Variants in ATXN1 observed in about 807,000 individuals in gnomAD.
The protein encoded by ATXN1 is ataxin-1.
A neutral mutation model predicts 56.4 loss-of-function variants in ATXN1; 8 were observed. The ratio of observed to expected loss-of-function variants is 0.14; its 90% confidence interval spans 0.08 to 0.26. The LOEUF (loss-of-function observed/expected upper bound fraction) is 0.26, where lower values mean the gene tolerates loss of function less well. Ranked by LOEUF, ATXN1 falls within the 10% of genes least tolerant of loss-of-function variation. The probability of loss-of-function intolerance (pLI) is 1.00; values close to 1 mark genes in which losing one functional copy is unlikely to be tolerated. For missense variants in ATXN1, 987 were observed against 1,106.5 expected, an observed-to-expected ratio of 0.89 and a Z score of 1.53; for synonymous variants, 514 against 494.6, an observed-to-expected ratio of 1.04 and a Z score of -0.52.
chr6:16,538,481 T>C (rs1761647759), intron 4 of ATXN1, among the ~76,000 whole-genome samples: 1 of 152,152 alleles, frequency 6.6e-6, no homozygotes, highest in East Asian at 1.9e-4. Context: ...GTGCACAACA[T>C]GCAGGTTTGT....
intron 4 of ATXN1, among the ~76,000 whole-genome samples, chr6:16,562,556 T>C (rs1294861954): frequency 1.3e-5 from 2 of 151,454 alleles, no homozygotes; most frequent in African/African-American, 4.9e-5. Flanking sequence ...AGAAATGAAA[T>C]GGCTGGCAGC....
At chr6:16,588,794 AGGAGGAAGGGAG>A (rs766933770) in intron 3 of ATXN1, among the ~76,000 whole-genome samples, 12 of 152,114 alleles carry the variant, frequency 7.9e-5, no homozygotes, top group Admixed American at 2.0e-4. Flanking sequence ...GAAGGAGGGA[AGGAGGAAGGGAG>A]GGAGGAAGGT....
At chr6:16,692,365 C>T (rs1032333575) in intron 2 of ATXN1, among the ~76,000 whole-genome samples, 5 of 152,160 alleles carry the variant, frequency 3.3e-5, no homozygotes, top group African/African-American at 1.2e-4. Flanking sequence ...CACAAATTAA[C>T]TATATGGCAA....
chr6:16,506,497 T>A lies in ATXN1; in HGVS notation c.-299+16130A>T, dbSNP rs1477933472. On this transcript the variant is annotated intron_variant, in intron 5 of 7. Transcript: ENST00000436367. This position sits in a 1 kb window ranked among gnomAD's most constrained non-coding sequence, Gnocchi z 4.1. ...AGAAAAGGGTAATTTTTGTTTTAAT[T>A]TTTCTCCTCACTCCCTATGTAATTG... 6.6e-6 allele frequency among the ~76,000 whole-genome samples: 1 copy of A among 152,154 alleles called. No homozygotes were observed. Among genetic ancestry groups the A allele is most frequent in the East Asian group, 1.9e-4 (1 of 5,194 alleles).
intron 2 of ATXN1, among the ~76,000 whole-genome samples, chr6:16,696,698 G>T (rs1007381037): frequency 8.5e-5 from 13 of 152,206 alleles, no homozygotes; most frequent in Admixed American, 1.3e-4. Context: ...TGCATTCTCT[G>T]TGTAGAGAGG....
intron 6 of ATXN1, among the ~76,000 whole-genome samples, chr6:16,382,053 A>C (rs759320333): frequency 5.9e-5 from 9 of 152,164 alleles, no homozygotes; most frequent in Non-Finnish European, 1.2e-4. Context: ...CAAATTAATA[A>C]TTCATTTGGG....
intron 6 of ATXN1, among the ~76,000 whole-genome samples, chr6:16,429,128 A>T (rs1388970974): frequency 6.6e-6 from 1 of 151,954 alleles, no homozygotes; most frequent in Non-Finnish European, 1.5e-5. Flanking sequence ...TAGGTGATGG[A>T]GGCAGAGAGG....
chr6:16,398,147 G>A (rs562595941), intron 6 of ATXN1, among the ~76,000 whole-genome samples: 5 of 152,194 alleles, frequency 3.3e-5, no homozygotes, highest in African/African-American at 4.8e-5. Context: ...AGTTAGCAAC[G>A]CAGCCAACTT....
At chr6:16,621,314 A>G (rs1338916125) in intron 3 of ATXN1, among the ~76,000 whole-genome samples, 3 of 152,264 alleles carry the variant, frequency 2.0e-5, no homozygotes, top group Non-Finnish European at 2.9e-5. Flanking sequence ...CAAGGGCGTT[A>G]GCTGCAAGAG....
chr6:16,584,277 C>T lies in ATXN1; in HGVS notation c.-361+1503G>A, dbSNP rs58868196. ...ACACACACACACACACACACATATACACATATATATATATACACACACACA... is the reference window on the plus strand; with the variant it reads ...ACACACACACACACACACACATATATACATATATATATATACACACACACA... On this transcript the variant is annotated intron_variant, in intron 4 of 7. Coordinates refer to ENST00000436367, the MANE Select transcript of ATXN1 (RefSeq NM_001128164.2). 5.0e-3 allele frequency among the ~76,000 whole-genome samples: 641 copies of T among 129,230 alleles called. 2 individuals are homozygous for T. Among genetic ancestry groups the T allele is most frequent in the African/African-American group, 0.016 (461 of 28,484 alleles). 84.8% of individuals were successfully genotyped at this position (129,230 alleles called of 152,430 possible).
intron 6 of ATXN1, among the ~76,000 whole-genome samples, chr6:16,439,158 T>C (rs1759451265): frequency 1.3e-5 from 2 of 151,834 alleles, no homozygotes; most frequent in Non-Finnish European, 2.9e-5. Flanking sequence ...CTGTGTTCCA[T>C]GTTATGAAGG....
chr6:16,348,819 T>G (rs926194319), intron 6 of ATXN1, among the ~76,000 whole-genome samples: 4 of 152,226 alleles, frequency 2.6e-5, no homozygotes, highest in Non-Finnish European at 4.4e-5. Flanking sequence ...CTACCTCTCA[T>G]GATGAACTGC....
At chr6:16,395,108 C>A (rs1758425401) in intron 6 of ATXN1, among the ~76,000 whole-genome samples, 1 of 151,798 alleles carries the variant, frequency 6.6e-6, no homozygotes, top group Non-Finnish European at 1.5e-5. Context: ...CCCGTCTCTA[C>A]TAAAAATACA....
intron 6 of ATXN1, among the ~76,000 whole-genome samples, chr6:16,353,836 C>T (rs1291106100): frequency 9.9e-5 from 15 of 152,148 alleles, no homozygotes; most frequent in Non-Finnish European, 2.1e-4. Flanking sequence ...GTGAGGGTCC[C>T]CTGAGTCGAT....
At chr6:16,499,660 C>T (rs1474634383) in intron 5 of ATXN1, among the ~76,000 whole-genome samples, 3 of 152,176 alleles carry the variant, frequency 2.0e-5, no homozygotes, top group African/African-American at 7.2e-5. Flanking sequence ...CGACACCCAC[C>T]CATTAAGATT....
chr6:16,504,168 G>C (rs1468213844), intron 5 of ATXN1, among the ~76,000 whole-genome samples: 2 of 152,156 alleles, frequency 1.3e-5, no homozygotes, highest in Admixed American at 1.3e-4. Context: ...TACTAGCTTA[G>C]CTACTAGCTA....
intron 2 of ATXN1, among the ~76,000 whole-genome samples, chr6:16,687,515 GA>G (rs533469613): frequency 0.12 from 17,483 of 145,346 alleles, 1,077 homozygotes; most frequent in Middle Eastern, 0.17. Context: ...CCGCAAGAGG[GA>G]AAAAAAAAAA....
At chr6:16,508,960 T>C (rs1361368960) in intron 5 of ATXN1, among the ~76,000 whole-genome samples, 1 of 152,180 alleles carries the variant, frequency 6.6e-6, no homozygotes, top group Non-Finnish European at 1.5e-5. Flanking sequence ...TGACACATGT[T>C]ACAACATGGA....
chr6:16,714,702 C>T (rs13220378), intron 2 of ATXN1, among the ~76,000 whole-genome samples: 5,900 of 152,004 alleles, frequency 0.039, 150 homozygotes, highest in South Asian at 0.072. Context: ...GTAGGCTGAA[C>T]TGCTGGGCTG....
Sources: gnomAD v4.1 joint callset for allele counts (sites outside exome capture counted in the v4.1 genomes callset) on GRCh38, gnomAD v4.1.1 for gene constraint, Gnocchi (gnomAD v3.1) non-coding constraint, MANE v1.5 for transcripts, NCBI Gene and HGNC (gene_info 2026-07-23, HGNC 2026-07-21) for gene names.